VILL: variants seen among roughly 807,000 people sequenced by gnomAD.
VILL encodes the protein villin-like protein.
A neutral mutation model predicts 106.3 loss-of-function variants in VILL; 102 were observed. The ratio of observed to expected loss-of-function variants is 0.96; its 90% confidence interval spans 0.82 to 1.13. The LOEUF is 1.13. Among genes scored for constraint, VILL ranks in the 50% most tolerant of loss-of-function variants. The pLI, the probability that VILL is intolerant of heterozygous loss-of-function variation, is 0.00. For missense variants in VILL, 1,076 were observed against 1,116.6 expected (o/e 0.96, Z 0.52); for synonymous variants, 431 against 440.3 (o/e 0.98, Z 0.27).
At position 37,995,847 on chromosome 3, in the gene VILL, G is replaced by A. The variant is rs941291315; in HGVS notation, c.450G>A (p.Glu150=). ...GGAGGAAGCACGTGTCTGCCACTGA[G>A]GTGAGGCTGCCAGGGGAGCCTCTTG... is the stretch of plus-strand genomic sequence containing the variant. ...IKGRKHVSAT[E]VELSWNSFNK... The change falls in exon 5 of 20, where the codon GAG becomes GAA. Residue 150 remains glutamate (E), a splice_region_variant and synonymous_variant. Transcript: ENST00000383759. The A allele has an allele frequency of 6.2e-7, 1 of 1,613,146 alleles. No homozygotes were observed. The highest frequency in any genetic ancestry group is 1.3e-5 in the African/African-American group (1 of 75,032).
intron 17 of VILL, 73 bp downstream of exon 17, chr3:38,006,047 G>A: frequency 1.3e-6 from 2 of 1,590,300 alleles, no homozygotes; most frequent in East Asian, 2.2e-5. Context: ...CCAATGGAAT[G>A]AGGAGGCACT....
chr3:38,006,049 G>T, intron 17 of VILL, 75 bp downstream of exon 17: 3 of 1,590,168 alleles, frequency 1.9e-6, no homozygotes, highest in Non-Finnish European at 2.6e-6. Context: ...AATGGAATGA[G>T]GAGGCACTGC....
At chr3:38,004,740 CTG>C (rs1314818411) in intron 16 of VILL, among the ~76,000 whole-genome samples, 2 of 152,320 alleles carry the variant, frequency 1.3e-5, no homozygotes, top group East Asian at 1.9e-4. Flanking sequence ...GCATGAGTGA[CTG>C]TGATTGGAAT....
At chr3:37,991,783 G>A (rs1336969263) in intron 1 of VILL, among the ~76,000 whole-genome samples, 14 of 151,894 alleles carry the variant, frequency 9.2e-5, no homozygotes, top group Admixed American at 2.6e-4. Context: ...GGGTTTGGGA[G>A]GCTGGAGGGG....
At position 37,997,604 on chromosome 3, in the gene VILL, G is replaced by C. The variant is rs775699064; in HGVS notation, c.683G>C (p.Gly228Ala). 9.9e-6 allele frequency: 16 copies of C among 1,613,422 alleles called. No homozygotes were observed. Among genetic ancestry groups the C allele is most frequent in the Non-Finnish European group, 2.5e-6 (3 of 1,179,918 alleles). ...ATGCAGATCATGGAGGCTGTGCTGGGCCGCAGGGTGGGCAGCCTGCGTGCC... is the reference window on the plus strand; with the variant it reads ...ATGCAGATCATGGAGGCTGTGCTGGCCCGCAGGGTGGGCAGCCTGCGTGCC... ...DLMQIMEAVL[G>A]RRVGSLRAAT... Residue 228 changes from glycine (G) to alanine (A), a missense_variant, in exon 7 of 20, where the codon GGC becomes GCC. Coordinates refer to ENST00000383759, the MANE Select transcript of VILL (RefSeq NM_015873.4). This position sits in a 1 kb window ranked among gnomAD's most constrained non-coding sequence, Gnocchi z 4.7.
In VILL at chr3:38,003,144, C is replaced by A. The variant is rs1699850793; in HGVS notation, c.1660-24C>A. 13 of 1,612,182 alleles carry A rather than the reference C, an allele frequency of 8.1e-6. No individual in the cohort carries two copies. The East Asian group carries it at 2.9e-4, about 36-fold the overall frequency. On this transcript the variant is annotated intron_variant, in intron 14 of 19. Transcript: ENST00000383759. ...GTGAAGGCCCCTCCTCATGCAGGGC[C>A]TGAGCCATCTCTTTGCCTGCTAGGG...
Position 37,997,081 on chromosome 3 carries a change from A to C in VILL, c.455A>C (p.Glu152Ala), listed in dbSNP as rs1418670160. 14 of 1,613,676 alleles carry C rather than the reference A, an allele frequency of 8.7e-6. No homozygotes were observed. Among genetic ancestry groups the C allele is most frequent in the African/African-American group, 1.3e-5 (1 of 74,868 alleles). Reference sequence around the variant, plus strand: ...CTCTCTCCCTGGCTCTGGCAGGTGGAGCTCTCCTGGAACAGCTTTAATAAG... The same window carrying C: ...CTCTCTCCCTGGCTCTGGCAGGTGGCGCTCTCCTGGAACAGCTTTAATAAG... ...GRKHVSATEVELSWNSFNKGD... is the reference protein window; with the variant it reads ...GRKHVSATEVALSWNSFNKGD... The change falls in exon 6 of 20, where the codon GAG (glutamate) becomes GCG (alanine). Residue 152 changes from glutamate to alanine, a missense_variant. Glu to Ala is a moderately radical substitution (Grantham distance 107). Coordinates refer to ENST00000383759, the MANE Select transcript of VILL (RefSeq NM_015873.4). This position sits in a 1 kb window ranked among gnomAD's most constrained non-coding sequence, Gnocchi z 4.7.
upstream of VILL, among the ~76,000 whole-genome samples, chr3:37,989,158 A>G (rs1011958129): frequency 6.6e-6 from 1 of 152,130 alleles, no homozygotes; most frequent in Admixed American, 6.6e-5. Context: ...GAGAGAAATC[A>G]GGGCAACTCC....
chr3:37,992,244 G>A (rs1699620955), intron 1 of VILL, among the ~76,000 whole-genome samples: 1 of 152,140 alleles, frequency 6.6e-6, no homozygotes, highest in Non-Finnish European at 1.5e-5. Context: ...ACTGTCACTG[G>A]TCACTATTTC....
chr3:37,997,478 C>T lies in VILL; in HGVS notation c.562-5C>T, dbSNP rs768102077. 48 of 1,613,094 alleles carry T rather than the reference C, an allele frequency of 3.0e-5. No individual in the cohort carries two copies. Among genetic ancestry groups the T allele is most frequent in the South Asian group, 1.2e-4 (11 of 91,042 alleles). On this transcript the variant is annotated splice_region_variant and splice_polypyrimidine_tract_variant and intron_variant, in intron 6 of 19. Transcript: ENST00000383759. This position sits in a 1 kb window ranked among gnomAD's most constrained non-coding sequence, Gnocchi z 4.7. ...ACACCCTGACTCCCAGGTCCTCTCC[C>T]GCAGGGGCTGGCTTTGACCTACAGC...
At chr3:37,988,162 A>C (rs1215207813), upstream of VILL, 1 of 152,334 alleles carries the variant, frequency 6.6e-6, no homozygotes, top group African/African-American at 2.4e-5. Context: ...CAGGCAGAGA[A>C]GCCTGCAGTG....
In VILL at chr3:37,997,705, G is replaced by T; in HGVS notation, c.764+20G>T. ...GTACCAGTGAGTACCCCTGGGGTGG[G>T]CAGGGGTGGGTGGGACAGTCCAGGA... On this transcript the variant is annotated intron_variant, in intron 7 of 19. Coordinates refer to ENST00000383759, the MANE Select transcript of VILL (RefSeq NM_015873.4). This position sits in a 1 kb window ranked among gnomAD's most constrained non-coding sequence, Gnocchi z 4.7. 7.1e-7 allele frequency: 1 copy of T among 1,415,438 alleles called. No homozygotes were observed. 87.7% of individuals were successfully genotyped at this position (1,415,438 alleles called of 1,614,324 possible).
intron 2 of VILL, 50 bp downstream of exon 2, chr3:37,993,782 G>A: frequency 6.2e-7 from 1 of 1,606,854 alleles, no homozygotes; most frequent in Non-Finnish European, 8.5e-7. Context: ...AGAGCGTGGG[G>A]TTTTCCACAC....
At chr3:38,006,066 T>C (rs1575341520) in intron 17 of VILL, 92 bp downstream of exon 17, 1 of 1,591,746 alleles carries the variant, frequency 6.3e-7, no homozygotes, top group East Asian at 2.2e-5. Context: ...CTGCCCTGGC[T>C]GGGGATTGCC....
intron 11 of VILL, among the ~76,000 whole-genome samples, chr3:38,000,253 T>G (rs1472673943): frequency 6.6e-6 from 1 of 151,744 alleles, no homozygotes; most frequent in Admixed American, 6.6e-5. Context: ...TGCCCTAATA[T>G]GGATGGACAG....
chr3:38,002,433 C>T lies in VILL; in HGVS notation c.1517C>T (p.Ser506Phe), dbSNP rs200009179. ...CACCATGGAAAGGGGCAGTCAGCAT[C>T]CACCACAAGGCTTTTCCAAGTGCAA... ...AGHHGKGQSA[S>F]TTRLFQVQGT... Residue 506 changes from serine to phenylalanine, a missense_variant, in exon 14 of 20, where the codon TCC (serine) becomes TTC (phenylalanine). Ser to Phe is a radical substitution (Grantham distance 155). Coordinates refer to ENST00000383759, the MANE Select transcript of VILL (RefSeq NM_015873.4). 1.2e-6 allele frequency: 2 copies of T among 1,613,788 alleles called. No homozygotes were observed. The highest frequency in any genetic ancestry group is 2.7e-5 in the African/African-American group (2 of 75,054).
rs545822965 is a variant in VILL at position 38,005,718 on chromosome 3, G to A, written c.1951-74G>A. The A allele has an allele frequency of 3.5e-5, 52 of 1,491,466 alleles. No individual in the cohort carries two copies. In the African/African-American group the frequency reaches 7.1e-4, roughly 20 times the overall value. 92.4% of individuals were successfully genotyped at this position (1,491,466 alleles called of 1,614,324 possible). ...GGGTTCTGTCTGGGACAACTGGACA[G>A]GGAGTGGACAGGAAGGGGTCAGCTC... On this transcript the variant is annotated intron_variant, in intron 16 of 19. Transcript: ENST00000383759.
Position 37,998,101 on chromosome 3 carries a change from AGG to A in VILL, c.778_779del (p.Gly260GlnfsTer42). On this transcript the variant is annotated frameshift_variant, in exon 8 of 20. Transcript: ENST00000383759. LOFTEE classifies it high-confidence loss of function. The surrounding 1 kb of genome is among the most constrained non-coding windows in gnomAD (Gnocchi z 4.1). ...TCCTGTCCCCCCAGTGTCTATGAGA[AGG>A]GCAAAGACCTGGTGGTCCTGGAGTT... 1 of 1,611,356 alleles carries A rather than the reference AGG, an allele frequency of 6.2e-7. No homozygotes were observed. The highest frequency in any genetic ancestry group is 8.5e-7 in the Non-Finnish European group (1 of 1,178,738).
chr3:38,005,824 G>C lies in VILL; in HGVS notation c.1983G>C (p.Glu661Asp). The C allele has an allele frequency of 6.2e-7, 1 of 1,613,400 alleles. No homozygotes were observed. The highest frequency in any genetic ancestry group is 1.7e-5 in the Admixed American group (1 of 59,938). ...IFLWLGEAASEWKEAVAWGQE... is the reference protein window; with the variant it reads ...IFLWLGEAASDWKEAVAWGQE... ...TGTGGCTTGGGGAAGCTGCAAGTGA[G>C]TGGAAGGAGGCGGTGGCCTGGGGCC... The change falls in exon 17 of 20, where the codon GAG becomes GAC. Residue 661 changes from glutamate (E) to aspartate (D), a missense_variant. Transcript: ENST00000383759.
Sources: allele counts gnomAD v4.1 joint callset (sites outside exome capture counted in the v4.1 genomes callset), GRCh38; gene constraint gnomAD v4.1.1; non-coding constraint Gnocchi (gnomAD v3.1); transcripts MANE v1.5; gene names NCBI Gene and HGNC (gene_info 2026-07-23, HGNC 2026-07-21).